Variants in ADORA2B observed in about 807,000 individuals in gnomAD.
ADORA2B encodes the protein adenosine receptor A2b.
Under a neutral mutation model 20.8 loss-of-function variants are expected in ADORA2B, and 18 were observed. The ratio of observed to expected loss-of-function variants is 0.87; its 90% CI spans 0.60 to 1.29. The LOEUF (loss-of-function observed/expected upper bound fraction) is 1.29. Among genes scored for constraint, ADORA2B ranks in the 50% most tolerant of loss-of-function variants. ADORA2B has a pLI of 0.00. For synonymous variants in ADORA2B, 179 were observed against 178.3 expected, an observed-to-expected ratio of 1.00 and a Z score of -0.03; for missense variants, 441 against 422.7, an observed-to-expected ratio of 1.04 and a Z score of -0.38.
At chr17:15,903,603 C>G in the ADORA2B span, among the ~76,000 whole-genome samples, 1 of 152,008 alleles carries the variant, frequency 6.6e-6, no homozygotes, top group Admixed American at 6.6e-5. Context: ...ACCCTAGCAT[C>G]TCACTTGCTA....
the ADORA2B span, among the ~76,000 whole-genome samples, chr17:15,874,261 G>A: frequency 1.3e-5 from 2 of 151,846 alleles, no homozygotes; most frequent in South Asian, 2.1e-4. Context: ...ATGAGTGGGA[G>A]CTAAGCTATG....
the ADORA2B span, among the ~76,000 whole-genome samples, chr17:15,862,601 A>G: frequency 6.6e-6 from 1 of 151,990 alleles, no homozygotes; most frequent in African/African-American, 2.4e-5. Flanking sequence ...TCTGCACAAT[A>G]TATGCCTTAA....
chr17:15,934,352 A>G, the ADORA2B span, among the ~76,000 whole-genome samples: 1 of 152,002 alleles, frequency 6.6e-6, no homozygotes, highest in African/African-American at 2.4e-5. Flanking sequence ...CAGCCTCCCA[A>G]GTAGCTGGGA....
At chr17:15,938,946 G>A in the ADORA2B span, among the ~76,000 whole-genome samples, 1 of 152,004 alleles carries the variant, frequency 6.6e-6, no homozygotes, top group African/African-American at 2.4e-5. Context: ...TCTTAGTAAC[G>A]ATCACTATTT....
chr17:15,953,173 G>A (rs1180371540), intron 1 of ADORA2B, among the ~76,000 whole-genome samples: 1 of 152,156 alleles, frequency 6.6e-6, no homozygotes, highest in Non-Finnish European at 1.5e-5. Flanking sequence ...TGGGTGCTTC[G>A]CACCCGTGAG....
chr17:15,970,102 G>A (rs1350408690), intron 1 of ADORA2B, among the ~76,000 whole-genome samples: 6 of 152,214 alleles, frequency 3.9e-5, no homozygotes, highest in Non-Finnish European at 5.9e-5. Context: ...AGCGGAACCC[G>A]TCGCAATTCA....
the ADORA2B span, among the ~76,000 whole-genome samples, chr17:15,923,199 T>TTC: frequency 7.4e-6 from 1 of 135,456 alleles, no homozygotes; most frequent in African/African-American, 3.1e-5. Flanking sequence ...ATTTCTTTCT[T>TTC]TTTTTAATTT....
chr17:15,854,858 T>C, the ADORA2B span, among the ~76,000 whole-genome samples: 1 of 151,836 alleles, frequency 6.6e-6, no homozygotes, highest in African/African-American at 2.4e-5. Context: ...GTAATGAAAA[T>C]AGCTAAAATC....
chr17:15,934,389 C>T, the ADORA2B span, among the ~76,000 whole-genome samples: 5 of 152,040 alleles, frequency 3.3e-5, no homozygotes, highest in African/African-American at 1.2e-4. Context: ...CTATGCCTGG[C>T]TAATTTTTGT....
At chr17:15,928,377 A>C in the ADORA2B span, among the ~76,000 whole-genome samples, 15 of 151,816 alleles carry the variant, frequency 9.9e-5, no homozygotes, top group Non-Finnish European at 2.2e-4. Context: ...AAGTATGGAA[A>C]GATAACAGTG....
the ADORA2B span, among the ~76,000 whole-genome samples, chr17:15,932,696 A>G: frequency 6.6e-6 from 1 of 152,130 alleles, no homozygotes; most frequent in Admixed American, 6.6e-5. Flanking sequence ...CATTTGTTAA[A>G]AAGGCTATTC....
chr17:15,898,320 G>A, the ADORA2B span, among the ~76,000 whole-genome samples: 3 of 151,914 alleles, frequency 2.0e-5, no homozygotes, highest in East Asian at 3.9e-4. Context: ...TTAAGATGGC[G>A]TTTTGCTTTT....
chr17:15,965,397 C>G (rs1970103220), intron 1 of ADORA2B, among the ~76,000 whole-genome samples: 1 of 152,146 alleles, frequency 6.6e-6, no homozygotes, highest in Admixed American at 6.5e-5. Context: ...GGAGCTCATC[C>G]TTCAGTGGAA....
Position 15,945,444 on chromosome 17 carries a change from A to C in ADORA2B, c.196A>C (p.Thr66Pro). 2 of 1,613,566 alleles carry C rather than the reference A, an allele frequency of 1.2e-6. No individual in the cohort carries two copies. The change falls in exon 1 of 2, where the codon ACC becomes CCC. Residue 66 changes from threonine to proline, a missense_variant. Transcript: ENST00000304222. ...GCTCTTCGCCATCCCCTTTGCCATC[A>C]CCATCAGCCTGGGCTTCTGCACTGA... The part of the protein sequence containing the change: ...VGLFAIPFAI[T>P]ISLGFCTDFY...
the ADORA2B span, among the ~76,000 whole-genome samples, chr17:15,857,360 G>A: frequency 2.7e-3 from 406 of 152,342 alleles, 1 homozygote; most frequent in African/African-American, 9.0e-3. Flanking sequence ...AAAGAGAAAT[G>A]TGAGGTTGGT....
chr17:15,964,170 C>T (rs1970071899), intron 1 of ADORA2B, among the ~76,000 whole-genome samples: 2 of 152,162 alleles, frequency 1.3e-5, no homozygotes, highest in Admixed American at 1.3e-4. Flanking sequence ...GGCCTGCTTC[C>T]CGTTCATATA....
chr17:15,857,108 C>G, the ADORA2B span, among the ~76,000 whole-genome samples: 1 of 152,236 alleles, frequency 6.6e-6, no homozygotes, highest in African/African-American at 2.4e-5. Flanking sequence ...CCCAGCTGCT[C>G]TAGCTCCAGT....
chr17:15,919,732 G>A, the ADORA2B span, among the ~76,000 whole-genome samples: 4 of 152,282 alleles, frequency 2.6e-5, no homozygotes, highest in East Asian at 7.7e-4. Flanking sequence ...CCAGTGGGTG[G>A]GAAGGGAAGG....
chr17:15,972,274 G>C (rs1970197675), intron 1 of ADORA2B, among the ~76,000 whole-genome samples: 1 of 152,184 alleles, frequency 6.6e-6, no homozygotes, highest in African/African-American at 2.4e-5. Flanking sequence ...CGGCCATGCT[G>C]GGAAGTATAC....
Sources: allele counts gnomAD v4.1 joint callset (sites outside exome capture counted in the v4.1 genomes callset), GRCh38; gene constraint gnomAD v4.1.1; transcripts MANE v1.5; gene names NCBI Gene and HGNC (gene_info 2026-07-23, HGNC 2026-07-21).